KCTD16: variants seen among roughly 807,000 people sequenced by gnomAD.
KCTD16 encodes potassium channel tetramerization domain containing 16, also known as BTB/POZ domain-containing protein KCTD16.
A neutral mutation model predicts 33.2 loss-of-function variants in KCTD16; 13 were observed. The ratio of observed to expected loss-of-function variants is 0.39; its 90% CI spans 0.25 to 0.62. The LOEUF is 0.62. Among genes scored for constraint, KCTD16 ranks in the 20% least tolerant of loss-of-function variants. The pLI is 0.50. For missense variants in KCTD16, 441 were observed against 525.1 expected (o/e 0.84, Z 1.57); for synonymous variants, 197 against 195.3 (o/e 1.01, Z -0.07).
chr5:144,420,287 TA>T (rs1753179736), intron 3 of KCTD16, among the ~76,000 whole-genome samples: 1 of 151,846 alleles, frequency 6.6e-6, no homozygotes, highest in African/African-American at 2.4e-5. Flanking sequence ...AAGGCAAGAG[TA>T]ACGGAGATAA....
chr5:144,367,450 T>A (rs1751862644), intron 3 of KCTD16, among the ~76,000 whole-genome samples: 1 of 152,172 alleles, frequency 6.6e-6, no homozygotes, highest in African/African-American at 2.4e-5. Context: ...CTTTTTCTTT[T>A]TAACTTATAT....
intron 3 of KCTD16, among the ~76,000 whole-genome samples, chr5:144,447,591 G>C (rs191074284): frequency 1.3e-5 from 2 of 151,802 alleles, no homozygotes; most frequent in Non-Finnish European, 2.9e-5. Flanking sequence ...AAAAGAAAAT[G>C]CATGGAATTT....
chr5:144,442,715 TA>T (rs1753740341), intron 3 of KCTD16, among the ~76,000 whole-genome samples: 3 of 152,006 alleles, frequency 2.0e-5, no homozygotes, highest in Non-Finnish European at 4.4e-5. Context: ...ACAACACTCT[TA>T]GGTATCAAAC....
chr5:144,462,193 C>T (rs1429188328), intron 3 of KCTD16, among the ~76,000 whole-genome samples: 1 of 151,928 alleles, frequency 6.6e-6, no homozygotes, highest in East Asian at 1.9e-4. Flanking sequence ...ATTATTATGG[C>T]ACTAGTATTT....
At position 144,479,730 on chromosome 5, in the gene KCTD16, T is replaced by C. The variant is rs900539125; in HGVS notation, c.*5616T>C. ...GGCTTCCTAATGTTCAAAAAATGTTTCTCTTGCTTGTGAACAAATTTTGTT... is the reference window on the plus strand; with the variant it reads ...GGCTTCCTAATGTTCAAAAAATGTTCCTCTTGCTTGTGAACAAATTTTGTT... On this transcript the variant is annotated 3_prime_UTR_variant, in exon 4 of 4. Coordinates refer to ENST00000512467, the MANE Select transcript of KCTD16 (RefSeq NM_020768.4). 2 of 151,996 alleles carry C rather than the reference T, an allele frequency of 1.3e-5. No homozygotes were observed. The highest frequency in any genetic ancestry group is 2.9e-5 in the Non-Finnish European group (2 of 67,968). The allele number at this position is 151,996 out of a possible 1,614,324, so 9.4% of individuals were successfully genotyped here.
chr5:144,384,226 A>G (rs1390463155), intron 3 of KCTD16: 1 of 152,202 alleles, frequency 6.6e-6, no homozygotes, highest in Non-Finnish European at 1.5e-5. Flanking sequence ...CCTTTGCAAA[A>G]TGGGTTGCCA....
intron 3 of KCTD16, among the ~76,000 whole-genome samples, chr5:144,317,477 T>C (rs1751951818): frequency 6.6e-6 from 1 of 152,180 alleles, no homozygotes; most frequent in Non-Finnish European, 1.5e-5. Context: ...CATACTAGTG[T>C]AGGCACAGTA....
At chr5:144,353,185 T>C (rs1319029372) in intron 3 of KCTD16, among the ~76,000 whole-genome samples, 2 of 152,210 alleles carry the variant, frequency 1.3e-5, no homozygotes, top group Non-Finnish European at 2.9e-5. Flanking sequence ...AAGTAGGGCC[T>C]CATGAGCACA....
At chr5:144,219,948 C>CT (rs1239076456) in intron 3 of KCTD16, among the ~76,000 whole-genome samples, 1 of 152,190 alleles carries the variant, frequency 6.6e-6, no homozygotes, top group Non-Finnish European at 1.5e-5. Context: ...ACCCACTGGT[C>CT]TAACTCTGCA....
chr5:144,176,828 A>AT (rs1030471973), intron 2 of KCTD16, among the ~76,000 whole-genome samples: 1 of 151,752 alleles, frequency 6.6e-6, no homozygotes, highest in African/African-American at 2.4e-5. Flanking sequence ...TACTTTTTCT[A>AT]TTTTTCTGTT....
At chr5:144,386,867 G>T (rs549787880) in intron 3 of KCTD16, among the ~76,000 whole-genome samples, 1 of 152,308 alleles carries the variant, frequency 6.6e-6, no homozygotes, top group South Asian at 2.1e-4. Flanking sequence ...ATGCACATGA[G>T]AGTACTTGGT....
intron 3 of KCTD16, among the ~76,000 whole-genome samples, chr5:144,414,839 G>T (rs1328642648): frequency 2.0e-5 from 3 of 152,076 alleles, no homozygotes; most frequent in Non-Finnish European, 4.4e-5. Context: ...TGAGAGCCTT[G>T]TATTCGTGTG....
At chr5:144,176,110 G>A (rs2126770350) in intron 2 of KCTD16, among the ~76,000 whole-genome samples, 1 of 152,206 alleles carries the variant, frequency 6.6e-6, no homozygotes, top group South Asian at 2.1e-4. Context: ...CTTAAGAACC[G>A]CCTATATTTA....
At chr5:144,424,472 C>CCTTGGCCTTGATCCT (rs1753278871) in intron 3 of KCTD16, among the ~76,000 whole-genome samples, 1 of 152,154 alleles carries the variant, frequency 6.6e-6, no homozygotes, top group African/African-American at 2.4e-5. Flanking sequence ...AGAACAAAAT[C>CCTTGGCCTTGATCCT]TAAAGGCCTT....
At chr5:144,472,561 C>A (rs758735100) in intron 3 of KCTD16, among the ~76,000 whole-genome samples, 8 of 152,170 alleles carry the variant, frequency 5.3e-5, no homozygotes, top group Non-Finnish European at 1.2e-4. Flanking sequence ...AGCTCACTGG[C>A]AAGACTAGCT....
rs904859694 is a variant in KCTD16 at position 144,171,748 on chromosome 5, G to A, written c.-493+739G>A. Among the ~76,000 whole-genome samples, 4 of 152,320 alleles carry A rather than the reference G, an allele frequency of 2.6e-5. No individual in the cohort carries two copies. In the East Asian group the frequency reaches 5.8e-4, roughly 22 times the overall value. On this transcript the variant is annotated intron_variant, in intron 1 of 3. Transcript: ENST00000512467. ...TGAGGGGAGCCACATAGGAGTTGAG[G>A]CTGGAATAACAGGAAGGGGCCAGGA... is the stretch of plus-strand genomic sequence containing the variant.
At chr5:144,307,966 G>A (rs1223571001) in intron 3 of KCTD16, among the ~76,000 whole-genome samples, 1 of 152,208 alleles carries the variant, frequency 6.6e-6, no homozygotes, top group East Asian at 1.9e-4. Context: ...CCATGCTAAG[G>A]AAAGAACAGC....
chr5:144,255,294 A>T (rs527249871), intron 3 of KCTD16, among the ~76,000 whole-genome samples: 69 of 152,306 alleles, frequency 4.5e-4, no homozygotes, highest in African/African-American at 1.6e-3. Flanking sequence ...GAGTGCAGGT[A>T]TCTCTTTGAA....
intron 3 of KCTD16, among the ~76,000 whole-genome samples, chr5:144,220,206 C>T (rs1753699157): frequency 6.6e-6 from 1 of 152,184 alleles, no homozygotes; most frequent in Non-Finnish European, 1.5e-5. Context: ...TCTTCAGAGT[C>T]AGGCTTCAGT....
Sources: gnomAD v4.1 joint callset for allele counts (sites outside exome capture counted in the v4.1 genomes callset) on GRCh38, gnomAD v4.1.1 for gene constraint, MANE v1.5 for transcripts, NCBI Gene and HGNC (gene_info 2026-07-23, HGNC 2026-07-21) for gene names.